Variants in CNIH3 observed in about 807,000 individuals in gnomAD.
The protein encoded by CNIH3 is protein cornichon homolog 3.
In CNIH3, 14 loss-of-function variants were observed where a neutral mutation model predicts 24.1. The observed-to-expected ratio is 0.58, with a 90% CI of 0.38 to 0.91. The LOEUF (loss-of-function observed/expected upper bound fraction) is 0.91. Ranked by LOEUF, CNIH3 falls within the 40% of genes least tolerant of loss-of-function variation. CNIH3 has a pLI of 0.00. For synonymous variants in CNIH3, 68 were observed against 73.8 expected, an observed-to-expected ratio of 0.92 and a Z score of 0.40; for missense variants, 178 against 196.8, an observed-to-expected ratio of 0.90 and a Z score of 0.57.
chr1:224,438,731 G>A (rs1674772249), intron 1 of CNIH3, among the ~76,000 whole-genome samples: 1 of 152,150 alleles, frequency 6.6e-6, no homozygotes, highest in South Asian at 2.1e-4. Context: ...TCTTGGGCCA[G>A]AACAGTTGGT....
chr1:224,618,403 ACT>A (rs1683131014), intron 1 of CNIH3, among the ~76,000 whole-genome samples: 1 of 152,186 alleles, frequency 6.6e-6, no homozygotes. Flanking sequence ...AGCATCACAG[ACT>A]CTCATACAGT....
At chr1:224,435,007 G>T in intron 1 of CNIH3, 1 of 985,546 alleles carries the variant, frequency 1.0e-6, no homozygotes, top group Non-Finnish European at 1.2e-6. Flanking sequence ...CCCCGGCCCC[G>T]CTCGGGCCTT....
chr1:224,506,093 A>G (rs546723727), intron 1 of CNIH3, among the ~76,000 whole-genome samples: 78 of 152,324 alleles, frequency 5.1e-4, no homozygotes, highest in African/African-American at 1.8e-3. Context: ...AATACTGAAC[A>G]ATTACGATCT....
chr1:224,477,311 C>T (rs1374747863), intron 1 of CNIH3, among the ~76,000 whole-genome samples: 1 of 152,232 alleles, frequency 6.6e-6, no homozygotes, highest in Non-Finnish European at 1.5e-5. Context: ...GTGGGACGCG[C>T]AAGCTAGTCT....
chr1:224,434,654 G>A (rs1674556831), upstream of CNIH3: 23 of 758,956 alleles, frequency 3.0e-5, no homozygotes, highest in South Asian at 9.0e-4. Context: ...GCGGGGGCGC[G>A]GGGCCCGCCG....
chr1:224,667,685 A>G (rs934861615), intron 1 of CNIH3, among the ~76,000 whole-genome samples: 1 of 152,040 alleles, frequency 6.6e-6, no homozygotes, highest in African/African-American at 2.4e-5. Context: ...TGTGGGACAG[A>G]GAATCCGCGG....
rs570115229 is a variant in CNIH3, at chr1:224,443,695, A to G, written n.203+8833A>G. Among the ~76,000 whole-genome samples the G allele has an allele frequency of 2.1e-5, 3 of 142,592 alleles. No individual in the cohort carries two copies. In the East Asian group the frequency reaches 5.8e-4, roughly 28 times the overall value. 93.5% of individuals were successfully genotyped at this position (142,592 alleles called of 152,430 possible). A position where few individuals can be genotyped will look rare whatever the true frequency, so the allele number is the denominator to read the frequency against. On this transcript the variant is annotated intron_variant and non_coding_transcript_variant, in intron 1 of 5. Transcript: ENST00000471578. ...GATAGATAGATAGATATCTATAGATATAGATATATATATATATTTTTTTAG... is the reference window on the plus strand; with the variant it reads ...GATAGATAGATAGATATCTATAGATGTAGATATATATATATATTTTTTTAG...
intron 5 of CNIH3, 143 bp downstream of exon 5, chr1:224,734,849 C>T: frequency 2.3e-6 from 2 of 853,914 alleles, no homozygotes; most frequent in South Asian, 3.2e-5. Flanking sequence ...AGCTGTCTGA[C>T]TCTGGCTCAG....
At chr1:224,524,188 G>A (rs1315076630) in intron 2 of CNIH3, among the ~76,000 whole-genome samples, 4 of 152,194 alleles carry the variant, frequency 2.6e-5, no homozygotes, top group Admixed American at 2.0e-4. Flanking sequence ...CACCTCAGAT[G>A]TGGAAATGGA....
At chr1:224,702,768 T>C (rs1000487544) in intron 3 of CNIH3, among the ~76,000 whole-genome samples, 2 of 152,228 alleles carry the variant, frequency 1.3e-5, no homozygotes, top group Non-Finnish European at 1.5e-5. Flanking sequence ...AGGATTCTGA[T>C]GGCCTGCCAA....
chr1:224,628,546 T>C (rs1016134298), intron 1 of CNIH3, among the ~76,000 whole-genome samples: 4 of 152,172 alleles, frequency 2.6e-5, no homozygotes, highest in Admixed American at 6.5e-5. Flanking sequence ...TTTGTCCTGC[T>C]GTGATTGGCT....
intron 1 of CNIH3, among the ~76,000 whole-genome samples, chr1:224,463,649 C>T (rs1337328132): frequency 2.0e-5 from 3 of 151,748 alleles, no homozygotes; most frequent in African/African-American, 7.3e-5. Flanking sequence ...TCAGATGATC[C>T]GCCTGCCTCA....
intron 1 of CNIH3, among the ~76,000 whole-genome samples, chr1:224,440,714 T>C (rs1674865210): frequency 6.6e-6 from 1 of 152,172 alleles, no homozygotes; most frequent in Non-Finnish European, 1.5e-5. Context: ...ATAAACAGGG[T>C]TTCTCTTTGA....
chr1:224,683,974 G>A (rs988409124), intron 2 of CNIH3, among the ~76,000 whole-genome samples: 3 of 152,150 alleles, frequency 2.0e-5, no homozygotes, highest in Non-Finnish European at 4.4e-5. Context: ...ATTTAATTAG[G>A]CAAATGAAGT....
chr1:224,500,670 A>T (rs1321585418), intron 1 of CNIH3, among the ~76,000 whole-genome samples: 3 of 73,762 alleles, frequency 4.1e-5, no homozygotes, highest in African/African-American at 1.0e-4. Context: ...AGTGAGACAA[A>T]AAAGCAAAGA....
intron 3 of CNIH3, among the ~76,000 whole-genome samples, chr1:224,606,633 C>T (rs1385341536): frequency 1.3e-5 from 2 of 152,298 alleles, no homozygotes; most frequent in African/African-American, 2.4e-5. Context: ...AACAAAAGTG[C>T]ATGTTCTCAC....
At chr1:224,516,480 G>T (rs550395498) in intron 1 of CNIH3, among the ~76,000 whole-genome samples, 48 of 152,248 alleles carry the variant, frequency 3.2e-4, no homozygotes, top group Middle Eastern at 3.4e-3. Context: ...GGCAGGTATG[G>T]CATCTTATTC....
chr1:224,739,283 A>G, intron 5 of CNIH3, 46 bp from the exon 6 acceptor site: 1 of 1,582,226 alleles, frequency 6.3e-7, no homozygotes. Context: ...GCTTCTACTA[A>G]CACCTTCCTC....
At position 224,616,760 on chromosome 1, in the gene CNIH3, G is replaced by A. The variant is rs1683018580; in HGVS notation, c.-415G>A. 9.8e-7 allele frequency: 1 copy of A among 1,017,366 alleles called. No homozygotes were observed. Among genetic ancestry groups the A allele is most frequent in the South Asian group, 4.3e-5 (1 of 23,444 alleles). 63.0% of individuals were successfully genotyped at this position (1,017,366 alleles called of 1,614,324 possible). A position where few individuals can be genotyped will look rare whatever the true frequency, so the allele number is the denominator to read the frequency against. ...CTCGTCTCTCCTCAGCGGTTTAGTG[G>A]AGAAAAGCAGAGAGCTCTTCCTGGG... On this transcript the variant is annotated 5_prime_UTR_variant, in exon 1 of 6. Transcript: ENST00000272133.
Sources: allele counts gnomAD v4.1 joint callset (sites outside exome capture counted in the v4.1 genomes callset), GRCh38; gene constraint gnomAD v4.1.1; transcripts MANE v1.5; gene names NCBI Gene and HGNC (gene_info 2026-07-23, HGNC 2026-07-21).